MAN2B1: variants seen among roughly 807,000 people sequenced by gnomAD.
The protein encoded by MAN2B1 is mannosidase alpha class 2B member 1, also known as lysosomal alpha-mannosidase.
A neutral mutation model predicts 127.5 loss-of-function variants in MAN2B1; 99 were observed. The ratio of observed to expected loss-of-function variants is 0.78; its 90% CI spans 0.66 to 0.92. The LOEUF is 0.92. Among genes scored for constraint, MAN2B1 ranks in the 40% least tolerant of loss-of-function variants. The pLI, the probability that MAN2B1 is intolerant of heterozygous loss-of-function variation, is 0.00. For missense variants in MAN2B1, 1,304 were observed against 1,384.8 expected (o/e 0.94, Z 0.93); for synonymous variants, 573 against 568.8 (o/e 1.01, Z -0.11).
rs192419876 is a variant in MAN2B1, at chr19:12,648,505, G to C, written c.2437-103C>G. On this transcript the variant is annotated intron_variant, in intron 20 of 23. Coordinates refer to ENST00000456935, the MANE Select transcript of MAN2B1 (RefSeq NM_000528.4). ...TGTGGGAATGTCAAAAGAAATTAAAGGGTGGGAGGAACGGATGAGGATGAA... is the reference window on the plus strand; with the variant it reads ...TGTGGGAATGTCAAAAGAAATTAAACGGTGGGAGGAACGGATGAGGATGAA... 217 of 845,980 alleles carry C rather than the reference G, an allele frequency of 2.6e-4. 1 individual carries two copies. In the African/African-American group the frequency reaches 3.1e-3, roughly 12 times the overall value. 52.4% of individuals were successfully genotyped at this position (845,980 alleles called of 1,614,324 possible).
intron 6 of MAN2B1, among the ~76,000 whole-genome samples, chr19:12,662,558 A>G (rs2024132905): frequency 6.6e-6 from 1 of 152,168 alleles, no homozygotes; most frequent in Admixed American, 6.5e-5. Flanking sequence ...TGGACCCAGT[A>G]GGTGGAGGTT....
intron 4 of MAN2B1, 43 bp downstream of exon 4, chr19:12,664,749 G>C (rs372484983): frequency 1.3e-6 from 2 of 1,586,228 alleles, no homozygotes; most frequent in African/African-American, 2.7e-5. Flanking sequence ...GGAGGAGCCA[G>C]AGTGAGTGAA....
intron 6 of MAN2B1, among the ~76,000 whole-genome samples, chr19:12,662,096 C>T (rs912491988): frequency 3.9e-5 from 6 of 152,020 alleles, no homozygotes; most frequent in African/African-American, 1.4e-4. Context: ...CTGCCCATCT[C>T]GGCCTCTCAA....
chr19:12,647,799 G>A lies in MAN2B1; in HGVS notation c.2665-201C>T. The stretch of plus-strand genomic sequence containing the variant: ...GGGAGATGGGTCGGTCCCAAGCTTA[G>A]GGTTCGAGTCCCGATGGAGCAGAAC... On this transcript the variant is annotated intron_variant, in intron 21 of 23. Coordinates refer to ENST00000456935, the MANE Select transcript of MAN2B1 (RefSeq NM_000528.4). This position sits in a 1 kb window ranked among gnomAD's most constrained non-coding sequence, Gnocchi z 4.9. 1.6e-6 allele frequency: 1 copy of A among 607,702 alleles called. No homozygotes were observed. The highest frequency in any genetic ancestry group is 2.7e-5 in the East Asian group (1 of 36,366). The allele number at this position is 607,702 out of a possible 1,614,324, so 37.6% of individuals were successfully genotyped here. A position where few individuals can be genotyped will look rare whatever the true frequency, so the allele number is the denominator to read the frequency against.
At chr19:12,651,537 T>C (rs1163058925) in intron 16 of MAN2B1, among the ~76,000 whole-genome samples, 4 of 152,242 alleles carry the variant, frequency 2.6e-5, no homozygotes, top group African/African-American at 9.6e-5. Flanking sequence ...TCACAGTTAA[T>C]TTGGGTAACT....
intron 14 of MAN2B1, among the ~76,000 whole-genome samples, chr19:12,653,394 C>G (rs963989242): frequency 1.3e-4 from 11 of 82,538 alleles, no homozygotes; most frequent in African/African-American, 3.1e-4. Context: ...ATCCACCCCC[C>G]CCTCAGCCTC....
Position 12,658,296 on chromosome 19 carries a change from C to T in MAN2B1, c.1158G>A (p.Gln386=), listed in dbSNP as rs112829030. 5.2e-4 allele frequency: 846 copies of T among 1,614,092 alleles called. 1 individual carries two copies. Among genetic ancestry groups the T allele is most frequent in the Non-Finnish European group, 3.6e-4 (426 of 1,180,048 alleles). The part of the protein sequence containing the change: ...DFFPYADGPH[Q]FWTGYFSSRP... ...GACTGGAAAAGTAACCGGTCCAGAA[C>T]TGGTGGGGGCCATCCGCGTAAGGGA... Residue 386 remains glutamine, a synonymous_variant, in exon 9 of 24, where the codon CAG becomes CAA. Transcript: ENST00000456935.
At chr19:12,655,914 T>A (rs1489787399) in intron 13 of MAN2B1, 35 bp from the exon 14 acceptor site, 4 of 1,585,598 alleles carry the variant, frequency 2.5e-6, no homozygotes, top group Non-Finnish European at 3.5e-6. Flanking sequence ...GAGTCAAGAG[T>A]ACCCATGGAA....
Position 12,657,995 on chromosome 19 carries a change from G to T in MAN2B1, c.1309+68C>A, listed in dbSNP as rs1029219181. Reference sequence around the variant, plus strand: ...AAAAAAAAAAAAGAAGAAACTCGAGGGGGGCGGCCTAGGGGTGGTTTCCAA... The same window carrying T: ...AAAAAAAAAAAAGAAGAAACTCGAGTGGGGCGGCCTAGGGGTGGTTTCCAA... On this transcript the variant is annotated intron_variant, in intron 10 of 23. Transcript: ENST00000456935. 1.7e-5 allele frequency: 21 copies of T among 1,252,288 alleles called. No individual in the cohort carries two copies. The African/African-American group carries it at 3.1e-4, about 19-fold the overall frequency. 77.6% of individuals were successfully genotyped at this position (1,252,288 alleles called of 1,614,324 possible).
At position 12,658,217 on chromosome 19, in the gene MAN2B1, T is replaced by A. The variant is rs2024019411; in HGVS notation, c.1230+7A>T. The A allele has an allele frequency of 1.2e-6, 2 of 1,613,830 alleles. No homozygotes were observed. The highest frequency in any genetic ancestry group is 2.7e-5 in the African/African-American group (2 of 74,938). On this transcript the variant is annotated splice_region_variant and intron_variant, in intron 9 of 23. Coordinates refer to ENST00000456935, the MANE Select transcript of MAN2B1 (RefSeq NM_000528.4). The stretch of plus-strand genomic sequence containing the variant: ...TGCATGCCCCCTCTAGCCCGGCTCC[T>A]ACCCACCTGCAGGAAGTTGTAGCTG...
At position 12,650,111 on chromosome 19, in the gene MAN2B1, G is replaced by A; in HGVS notation, c.2158C>T (p.Pro720Ser). The A allele has an allele frequency of 6.2e-7, 1 of 1,613,812 alleles. No homozygotes were observed. The highest frequency in any genetic ancestry group is 1.1e-5 in the South Asian group (1 of 91,066). Residue 720 changes from proline (P) to serine (S), a missense_variant, in exon 17 of 24, where the codon CCT becomes TCT. By Grantham distance (74) the Pro-to-Ser change is moderately conservative. Transcript: ENST00000456935. Reference sequence around the variant, plus strand: ...CCAGCCTGTGCCACTCACCCCACAGGTATCGGCCCCACCGACCACTCTAGC... The same window carrying A: ...CCAGCCTGTGCCACTCACCCCACAGATATCGGCCCCACCGACCACTCTAGC... ...LELEWSVGPI[P>S]VGDTWGKEVI...
At chr19:12,656,356 CAAAAA>C (rs372686781) in intron 13 of MAN2B1, 72 of 391,062 alleles carry the variant, frequency 1.8e-4, no homozygotes, top group Admixed American at 2.1e-4. Context: ...GACTCCGTCT[CAAAAA>C]AAAAAAAAAA....
At chr19:12,660,181 T>C (rs557306409) in intron 7 of MAN2B1, among the ~76,000 whole-genome samples, 2 of 149,922 alleles carry the variant, frequency 1.3e-5, no homozygotes, top group African/African-American at 2.4e-5. Context: ...AGGTTGCAGA[T>C]GGAATTGAGG....
chr19:12,656,152 G>A, intron 13 of MAN2B1: 1 of 468,648 alleles, frequency 2.1e-6, no homozygotes, highest in Non-Finnish European at 3.8e-6. Flanking sequence ...GTTCTCGGGG[G>A]AGGAAGAGGT....
Position 12,656,690 on chromosome 19 carries a change from G to T in MAN2B1, c.1528-3C>A, listed in dbSNP as rs752895909. ...GGATTATAAACGATGACCTGGAACT[G>T]GGGAGGCGGGGGTCAGAGAGGGCAT... On this transcript the variant is annotated splice_region_variant and splice_polypyrimidine_tract_variant and intron_variant, in intron 12 of 23. Transcript: ENST00000456935. The T allele has an allele frequency of 2.4e-5, 38 of 1,596,122 alleles. No homozygotes were observed. Among genetic ancestry groups the T allele is most frequent in the Admixed American group, 8.3e-5 (5 of 59,964 alleles).
intron 16 of MAN2B1, among the ~76,000 whole-genome samples, chr19:12,651,360 G>A (rs1217179011): frequency 6.6e-6 from 1 of 152,104 alleles, no homozygotes; most frequent in African/African-American, 2.4e-5. Flanking sequence ...TGTGGCGGCT[G>A]GAGCTTCAGC....
chr19:12,658,814 C>T, intron 7 of MAN2B1: 1 of 416,642 alleles, frequency 2.4e-6, no homozygotes, highest in South Asian at 2.2e-5. Flanking sequence ...CATTATAGGG[C>T]AGGAATAATC....
chr19:12,664,879 G>A lies in MAN2B1; in HGVS notation c.543C>T (p.Asp181=). The A allele has an allele frequency of 1.2e-6, 2 of 1,614,162 alleles. No homozygotes were observed. Among genetic ancestry groups the A allele is most frequent in the Admixed American group, 1.7e-5 (1 of 60,008 alleles). The change falls in exon 4 of 24, where the codon GAC becomes GAT. Residue 181 remains aspartate, a synonymous_variant. Transcript: ENST00000456935. ...QMTLGLRFLE[D]TFGNDGRPRV... Reference sequence around the variant, plus strand: ...GGGGTCGCCCATCATTGCCAAATGTGTCCTCCAGAAAGCGCAGCCCAAGTG... The same window carrying A: ...GGGGTCGCCCATCATTGCCAAATGTATCCTCCAGAAAGCGCAGCCCAAGTG...
At chr19:12,654,176 G>A (rs1405646912) in intron 14 of MAN2B1, among the ~76,000 whole-genome samples, 2 of 151,376 alleles carry the variant, frequency 1.3e-5, no homozygotes, top group South Asian at 2.1e-4. Flanking sequence ...CCGAGTAACT[G>A]GGACTACAGA....
Sources: gnomAD v4.1 joint callset for allele counts (sites outside exome capture counted in the v4.1 genomes callset) on GRCh38, gnomAD v4.1.1 for gene constraint, Gnocchi (gnomAD v3.1) non-coding constraint, MANE v1.5 for transcripts, NCBI Gene and HGNC (gene_info 2026-07-23, HGNC 2026-07-21) for gene names.